CNST: variants seen among roughly 807,000 people sequenced by gnomAD.
The protein encoded by CNST is consortin.
Under a neutral mutation model 72.4 loss-of-function variants are expected in CNST, and 39 were observed. The ratio of observed to expected loss-of-function variants is 0.54; its 90% CI spans 0.42 to 0.70. The LOEUF is 0.70. Ranked by LOEUF, CNST falls within the 30% of genes least tolerant of loss-of-function variation. The pLI, the probability that CNST is intolerant of heterozygous loss-of-function variation, is 0.00. For missense variants in CNST, 871 were observed against 868.5 expected, an observed-to-expected ratio of 1.00 and a Z score of -0.04; for synonymous variants, 332 against 320.1, an observed-to-expected ratio of 1.04 and a Z score of -0.40.
chr1:246,636,540 T>G (rs1572216269), intron 6 of CNST, among the ~76,000 whole-genome samples: 1 of 152,130 alleles, frequency 6.6e-6, no homozygotes, highest in African/African-American at 2.4e-5. Context: ...CTGCTTATGG[T>G]TTTTGTGTAA....
intron 9 of CNST, among the ~76,000 whole-genome samples, chr1:246,656,312 A>C (rs530037411): frequency 9.8e-5 from 15 of 152,352 alleles, no homozygotes; most frequent in African/African-American, 2.6e-4. Context: ...TTGTTTTCAC[A>C]ACTAGTTCAT....
At chr1:246,580,291 A>G (rs1270922865) in intron 1 of CNST, among the ~76,000 whole-genome samples, 2 of 152,170 alleles carry the variant, frequency 1.3e-5, no homozygotes, top group Admixed American at 6.5e-5. Flanking sequence ...ATTAAGGGTT[A>G]GGTAGCATTT....
At chr1:246,626,423 T>G (rs567214000) in intron 3 of CNST, among the ~76,000 whole-genome samples, 2 of 151,120 alleles carry the variant, frequency 1.3e-5, no homozygotes, top group East Asian at 3.9e-4. Context: ...CACTTCCTGG[T>G]GTTTTCATCC....
At position 246,647,270 on chromosome 1, in the gene CNST, A is replaced by G; in HGVS notation, c.1069A>G (p.Lys357Glu). The part of the protein sequence containing the change: ...DSPSLSVTAG[K>E]DHMEELLCSA... ...CCCAAGCCTTTCGGTAACTGCAGGA[A>G]AGGACCACATGGAGGAGCTGCTCTG... The change falls in exon 9 of 11, where the codon AAG becomes GAG. Residue 357 changes from lysine to glutamate, a missense_variant. By Grantham distance (56) the Lys-to-Glu change is moderately conservative. Coordinates refer to ENST00000366513, the MANE Select transcript of CNST (RefSeq NM_152609.3). 1.9e-6 allele frequency: 3 copies of G among 1,614,192 alleles called. No individual in the cohort carries two copies. The highest frequency in any genetic ancestry group is 2.5e-6 in the Non-Finnish European group (3 of 1,180,032).
At position 246,668,156 on chromosome 1, in the gene CNST, A is replaced by G. The variant is rs1667460488; in HGVS notation, c.*2251A>G. Reference sequence around the variant, plus strand: ...AATGTCATAGTTATCTATTGCATGAACTGGAGTAATTCCACCTGGTGGTGA... The same window carrying G: ...AATGTCATAGTTATCTATTGCATGAGCTGGAGTAATTCCACCTGGTGGTGA... On this transcript the variant is annotated 3_prime_UTR_variant, in exon 11 of 11. Transcript: ENST00000366513. The G allele has an allele frequency of 1.3e-5, 2 of 152,338 alleles. No individual in the cohort carries two copies. Among genetic ancestry groups the G allele is most frequent in the African/African-American group, 4.8e-5 (2 of 41,574 alleles). The allele number at this position is 152,338 out of a possible 1,614,324, so 9.4% of individuals were successfully genotyped here.
chr1:246,630,323 T>G (rs756096856), intron 3 of CNST, among the ~76,000 whole-genome samples: 3 of 152,250 alleles, frequency 2.0e-5, no homozygotes, highest in Non-Finnish European at 4.4e-5. Context: ...CAGTTTGACT[T>G]GGTTCATACT....
At chr1:246,608,175 A>G (rs1197375155) in intron 2 of CNST, 1 of 150,898 alleles carries the variant, frequency 6.6e-6, no homozygotes, top group Admixed American at 6.6e-5. Context: ...AAATAAATAA[A>G]TAATAAATAA....
chr1:246,636,889 G>C (rs2103110023), intron 6 of CNST, among the ~76,000 whole-genome samples: 1 of 152,278 alleles, frequency 6.6e-6, no homozygotes, highest in South Asian at 2.1e-4. Flanking sequence ...TTTCCTCTGT[G>C]GTGGAAAGAC....
chr1:246,578,729 A>G (rs991264041), intron 1 of CNST, among the ~76,000 whole-genome samples: 3 of 152,054 alleles, frequency 2.0e-5, no homozygotes, highest in African/African-American at 7.2e-5. Flanking sequence ...AAATAGTATT[A>G]TTACAATTTC....
chr1:246,644,450 A>G lies in CNST; in HGVS notation c.937+2413A>G, dbSNP rs576784998. On this transcript the variant is annotated intron_variant, in intron 8 of 10. Transcript: ENST00000366513. ...ATTATTTAGAGCTTAGCCCTATTCA[A>G]TCCTGAACTTGATTTTCACATTTAA... Among the ~76,000 whole-genome samples the G allele has an allele frequency of 4.7e-4, 72 of 152,080 alleles. 1 individual carries two copies. The South Asian group carries it at 0.013, about 28-fold the overall frequency.
intron 1 of CNST, 111 bp downstream of exon 1, chr1:246,566,774 A>G: frequency 2.5e-6 from 1 of 398,430 alleles, no homozygotes; most frequent in Non-Finnish European, 4.4e-6. Context: ...CCAGCCGCGC[A>G]GCCTCTGCCC....
At chr1:246,642,135 T>TTTTTTTTTTTTTTTG (rs1665753369) in intron 8 of CNST, 98 bp downstream of exon 8, 1 of 286,418 alleles carries the variant, frequency 3.5e-6, no homozygotes, top group African/African-American at 2.5e-5. Context: ...AGGATCTGGT[T>TTTTTTTTTTTTTTTG]TTTTTTTTTT....
In CNST at chr1:246,634,007, TG is replaced by T. The variant is rs775268833; in HGVS notation, c.703+1del. 1.9e-6 allele frequency: 3 copies of T among 1,601,346 alleles called. No homozygotes were observed. The highest frequency in any genetic ancestry group is 2.6e-6 in the Non-Finnish European group (3 of 1,168,520). On this transcript the variant is annotated frameshift_variant and splice_region_variant, in exon 5 of 11. Transcript: ENST00000366513. LOFTEE classifies it high-confidence loss of function. Reference sequence around the variant, plus strand: ...AAATCTTTCTGCCATTCAAGAACAGTGGGGTAAGTACAGACCAACATGGAAT... The same window carrying T: ...AAATCTTTCTGCCATTCAAGAACAGTGGGTAAGTACAGACCAACATGGAAT... Reference protein sequence around the residue: ...LANLSAIQEQWETKWKTVQPH... With the variant: ...LANLSAIQEQXETKWKTVQPH...
intron 9 of CNST, among the ~76,000 whole-genome samples, chr1:246,648,945 C>G (rs1277636439): frequency 6.6e-6 from 1 of 152,182 alleles, no homozygotes; most frequent in East Asian, 1.9e-4. Context: ...AAACAGAAGA[C>G]TGAAAAGCTG....
At chr1:246,625,342 A>G (rs953372529) in intron 3 of CNST, among the ~76,000 whole-genome samples, 2 of 149,436 alleles carry the variant, frequency 1.3e-5, no homozygotes, top group African/African-American at 4.9e-5. Context: ...TTTCTTTCAC[A>G]CTGACATTTA....
chr1:246,662,543 G>A (rs10924796), intron 10 of CNST, among the ~76,000 whole-genome samples: 18 of 151,868 alleles, frequency 1.2e-4, no homozygotes, highest in African/African-American at 4.1e-4. Flanking sequence ...CATGTTCCCC[G>A]ACGCCTGGCT....
At chr1:246,624,674 G>A (rs547065920) in intron 3 of CNST, among the ~76,000 whole-genome samples, 1 of 152,316 alleles carries the variant, frequency 6.6e-6, no homozygotes, top group Non-Finnish European at 1.5e-5. Flanking sequence ...ATCAGGGAGG[G>A]ATGGAGATAT....
intron 10 of CNST, among the ~76,000 whole-genome samples, chr1:246,661,538 T>A (rs10802429): frequency 0.85 from 130,176 of 152,286 alleles, 56,195 homozygotes; most frequent in African/African-American, 0.96. Flanking sequence ...GCAGCAGTTT[T>A]ACACCATTGC....
chr1:246,648,355 A>G (rs564441524), intron 9 of CNST: 1 of 393,896 alleles, frequency 2.5e-6, no homozygotes, highest in Non-Finnish European at 3.6e-6. Context: ...AAACCAGAAT[A>G]GTCACATTCT....
Sources: allele counts gnomAD v4.1 joint callset (sites outside exome capture counted in the v4.1 genomes callset), GRCh38; gene constraint gnomAD v4.1.1; transcripts MANE v1.5; gene names NCBI Gene and HGNC (gene_info 2026-07-23, HGNC 2026-07-21).